ZNF512: variants seen among roughly 807,000 people sequenced by gnomAD.
ZNF512 encodes zinc finger protein 512.
ZNF512 carries 25 observed loss-of-function variants against 77.5 expected under a neutral mutation model. The ratio of observed to expected loss-of-function variants is 0.32; its 90% CI spans 0.23 to 0.45. ZNF512 has a LOEUF of 0.45. ZNF512 is among the 20% of genes least tolerant of loss of function. ZNF512 has a pLI of 1.00. For missense variants in ZNF512, 483 were observed against 692.6 expected, an observed-to-expected ratio of 0.70 and a Z score of 3.40; for synonymous variants, 246 against 239.9, an observed-to-expected ratio of 1.03 and a Z score of -0.24.
chr2:27,608,441 T>C (rs1165631936), intron 10 of ZNF512, among the ~76,000 whole-genome samples: 2 of 152,174 alleles, frequency 1.3e-5, no homozygotes, highest in East Asian at 3.9e-4. Context: ...AAAACACCAG[T>C]ATATAAAATA....
chr2:27,585,141 C>T (rs180930612), intron 2 of ZNF512, among the ~76,000 whole-genome samples: 1 of 152,292 alleles, frequency 6.6e-6, no homozygotes, highest in East Asian at 1.9e-4. Flanking sequence ...GATAGGATGT[C>T]TATGGGTTTC....
Position 27,602,546 on chromosome 2 carries a change from C to T in ZNF512, c.753C>T (p.Leu251=), listed in dbSNP as rs754807164. ...LRTVLKRLGK[L]RCMRESCSSS... Reference sequence around the variant, plus strand: ...CAGTTCTAAAGAGACTGGGAAAGCTCAGGTGCATGCGTGAGGTAAGGGCCC... The same window carrying T: ...CAGTTCTAAAGAGACTGGGAAAGCTTAGGTGCATGCGTGAGGTAAGGGCCC... The change falls in exon 8 of 14, where the codon CTC becomes CTT. Residue 251 remains leucine, a synonymous_variant. Coordinates refer to ENST00000355467, the MANE Select transcript of ZNF512 (RefSeq NM_032434.4). The T allele has an allele frequency of 6.2e-7, 1 of 1,613,758 alleles. No individual in the cohort carries two copies. The highest frequency in any genetic ancestry group is 8.5e-7 in the Non-Finnish European group (1 of 1,179,862).
In ZNF512 at chr2:27,600,869, A is replaced by C. The variant is rs1246179958; in HGVS notation, c.582+54A>C. 16 of 1,589,590 alleles carry C rather than the reference A, an allele frequency of 1.0e-5. No homozygotes were observed. The African/African-American group carries it at 2.2e-4, about 22-fold the overall frequency. ...TACGATATTTTTACCCAAACTTTAGACTTCTTTTGCTATGTTGGATATGCT... is the reference window on the plus strand; with the variant it reads ...TACGATATTTTTACCCAAACTTTAGCCTTCTTTTGCTATGTTGGATATGCT... On this transcript the variant is annotated intron_variant, in intron 6 of 13. Coordinates refer to ENST00000355467, the MANE Select transcript of ZNF512 (RefSeq NM_032434.4).
At chr2:27,619,748 A>G (rs905900815) in intron 13 of ZNF512, among the ~76,000 whole-genome samples, 2 of 152,056 alleles carry the variant, frequency 1.3e-5, no homozygotes, top group Non-Finnish European at 2.9e-5. Context: ...ATCTTGTGTC[A>G]TTTATAACCT....
At chr2:27,586,508 G>A (rs1420050036) in intron 2 of ZNF512, among the ~76,000 whole-genome samples, 1 of 132,272 alleles carries the variant, frequency 7.6e-6, no homozygotes, top group Non-Finnish European at 1.5e-5. Flanking sequence ...AGGATTACAG[G>A]CATGAGCCAC....
intron 2 of ZNF512, among the ~76,000 whole-genome samples, chr2:27,590,987 C>T (rs959192812): frequency 6.6e-6 from 1 of 152,144 alleles, no homozygotes; most frequent in Non-Finnish European, 1.5e-5. Flanking sequence ...ATATAGAATT[C>T]TGAGTTGACA....
chr2:27,595,537 G>A (rs1406921433), intron 2 of ZNF512, among the ~76,000 whole-genome samples: 4 of 152,080 alleles, frequency 2.6e-5, no homozygotes, highest in Non-Finnish European at 5.9e-5. Context: ...ATGCTGATCA[G>A]GCTGGTCTCG....
intron 10 of ZNF512, among the ~76,000 whole-genome samples, chr2:27,614,882 A>C (rs771784536): frequency 6.6e-6 from 1 of 151,518 alleles, no homozygotes; most frequent in Non-Finnish European, 1.5e-5. Flanking sequence ...ACATATTTTA[A>C]TTCTATGTAG....
chr2:27,610,510 A>G (rs1265294667), intron 10 of ZNF512, among the ~76,000 whole-genome samples: 1 of 125,582 alleles, frequency 8.0e-6, no homozygotes, highest in South Asian at 2.6e-4. Flanking sequence ...GTGTATATAT[A>G]TGTGTGTATA....
rs1673172706 is a variant in ZNF512 at position 27,622,710 on chromosome 2, T to C, written c.*1249T>C. The C allele has an allele frequency of 6.5e-6, 1 of 152,790 alleles. No homozygotes were observed. Among genetic ancestry groups the C allele is most frequent in the Non-Finnish European group, 1.5e-5 (1 of 68,040 alleles). 9.5% of individuals were successfully genotyped at this position (152,790 alleles called of 1,614,324 possible). On this transcript the variant is annotated 3_prime_UTR_variant, in exon 14 of 14. Transcript: ENST00000355467. ...CCATTTTGCGTAAATATTGGTCTTA[T>C]ATATTCTTGCCTATTTTGTGGCATA...
At chr2:27,610,012 G>A (rs997629543) in intron 10 of ZNF512, among the ~76,000 whole-genome samples, 4 of 152,002 alleles carry the variant, frequency 2.6e-5, no homozygotes, top group South Asian at 2.1e-4. Flanking sequence ...CTGCAATCTA[G>A]CCTGGGCCAC....
chr2:27,615,081 T>TA, intron 10 of ZNF512, 87 bp from the exon 11 acceptor site: 1 of 759,436 alleles, frequency 1.3e-6, no homozygotes, highest in Non-Finnish European at 2.2e-6. Flanking sequence ...CAGAATTATA[T>TA]AACCTAAAGA....
At chr2:27,608,247 G>A (rs1241833981) in intron 10 of ZNF512, among the ~76,000 whole-genome samples, 1 of 152,126 alleles carries the variant, frequency 6.6e-6, no homozygotes, top group Admixed American at 6.6e-5. Context: ...TCCTTAAAGA[G>A]CCCTCTTAAT....
In ZNF512 at chr2:27,598,057, G is replaced by A. The variant is rs1671950378; in HGVS notation, c.90-10G>A. 6.6e-7 allele frequency: 1 copy of A among 1,513,748 alleles called. No homozygotes were observed. The highest frequency in any genetic ancestry group is 1.4e-5 in the South Asian group (1 of 73,462). 93.8% of individuals were successfully genotyped at this position (1,513,748 alleles called of 1,614,324 possible). On this transcript the variant is annotated splice_polypyrimidine_tract_variant and intron_variant, in intron 2 of 13. Coordinates refer to ENST00000355467, the MANE Select transcript of ZNF512 (RefSeq NM_032434.4). Reference sequence around the variant, plus strand: ...CTTCCTTTGTGGTATATATTTTTATGTTGTATTAGTAGCAGGACCCAGTGC... The same window carrying A: ...CTTCCTTTGTGGTATATATTTTTATATTGTATTAGTAGCAGGACCCAGTGC...
At chr2:27,619,137 C>T (rs370882379) in intron 13 of ZNF512, among the ~76,000 whole-genome samples, 2 of 152,130 alleles carry the variant, frequency 1.3e-5, no homozygotes, top group African/African-American at 4.8e-5. Flanking sequence ...CGGCTGGGCA[C>T]GGTGGCTCAC....
chr2:27,604,598 T>C (rs1474556940), intron 9 of ZNF512, among the ~76,000 whole-genome samples: 3 of 151,928 alleles, frequency 2.0e-5, no homozygotes, highest in African/African-American at 2.4e-5. Context: ...TTGGGCTACA[T>C]AGTGAGACCC....
At chr2:27,610,372 A>T (rs13420816) in intron 10 of ZNF512, among the ~76,000 whole-genome samples, 2 of 147,492 alleles carry the variant, frequency 1.4e-5, no homozygotes, top group South Asian at 2.1e-4. Flanking sequence ...TCAAAAAAAA[A>T]AAAAATAAAT....
chr2:27,593,223 CACACACACACACACACACACACAA>C (rs1395236662), intron 2 of ZNF512, among the ~76,000 whole-genome samples: 1 of 149,756 alleles, frequency 6.7e-6, no homozygotes, highest in African/African-American at 2.5e-5. Flanking sequence ...CACACACACA[CACACACACACACACACACACACAA>C]AAGAATGAGC....
At chr2:27,620,023 G>A (rs1240537898) in intron 13 of ZNF512, among the ~76,000 whole-genome samples, 1 of 151,920 alleles carries the variant, frequency 6.6e-6, no homozygotes, top group African/African-American at 2.4e-5. Flanking sequence ...TATTGCATTT[G>A]TTTGTTTTAA....
Sources: allele counts gnomAD v4.1 joint callset (sites outside exome capture counted in the v4.1 genomes callset), GRCh38; gene constraint gnomAD v4.1.1; transcripts MANE v1.5; gene names NCBI Gene and HGNC (gene_info 2026-07-23, HGNC 2026-07-21).